The following SHISA9 variants were observed in gnomAD, a reference collection of about 807,000 sequenced individuals.
SHISA9 encodes the protein protein shisa-9.
A neutral mutation model predicts 38.0 loss-of-function variants in SHISA9; 13 were observed. The observed-to-expected ratio is 0.34, with a 90% CI of 0.22 to 0.54. SHISA9 has a LOEUF of 0.54. Among genes scored for constraint, SHISA9 ranks in the 20% least tolerant of loss-of-function variants. The pLI, the probability that SHISA9 is intolerant of heterozygous loss-of-function variation, is 0.91. For missense variants in SHISA9, 538 were observed against 575.8 expected (o/e 0.93, Z 0.67); for synonymous variants, 275 against 242.0 (o/e 1.14, Z -1.27).
intron 2 of SHISA9, among the ~76,000 whole-genome samples, chr16:13,179,659 G>T (rs917595455): frequency 3.9e-5 from 6 of 152,164 alleles, no homozygotes; most frequent in Non-Finnish European, 5.9e-5. Context: ...ATGACAGTGG[G>T]GCTGTGGGAA....
intron 2 of SHISA9, among the ~76,000 whole-genome samples, chr16:13,179,264 A>C (rs965849647): frequency 6.6e-6 from 1 of 152,180 alleles, no homozygotes; most frequent in African/African-American, 2.4e-5. Flanking sequence ...GTGAGCTGAG[A>C]TCACACCACT....
rs1567356886 is a variant in SHISA9 at position 12,970,362 on chromosome 16, TATATATACATATATATATAC to T, written c.691+53554_691+53573del. Among the ~76,000 whole-genome samples, 4 of 85,792 alleles carry T rather than the reference TATATATACATATATATATAC, an allele frequency of 4.7e-5. No individual in the cohort carries two copies. The East Asian group carries it at 7.6e-4, about 16-fold the overall frequency. The allele number at this position is 85,792 out of a possible 152,430, so 56.3% of individuals were successfully genotyped here. ...ATATATACATATATGTGTATATATA[TATATATACATATATATATAC>T]ATATATGTATATATATATATACATA... is the stretch of plus-strand genomic sequence containing the variant. On this transcript the variant is annotated intron_variant, in intron 2 of 4. Transcript: ENST00000558583.
the SHISA9 span, among the ~76,000 whole-genome samples, chr16:13,248,482 G>A: frequency 1.3e-5 from 2 of 152,184 alleles, no homozygotes; most frequent in African/African-American, 2.4e-5. Flanking sequence ...AGATAACCTT[G>A]GATTTGAGTC....
chr16:13,493,744 A>T, the SHISA9 span, among the ~76,000 whole-genome samples: 4 of 152,094 alleles, frequency 2.6e-5, no homozygotes, highest in Admixed American at 6.5e-5. Context: ...GGAGTGGTAG[A>T]AACAGTGTTC....
At chr16:13,033,672 G>T (rs2073018469) in intron 2 of SHISA9, among the ~76,000 whole-genome samples, 1 of 152,210 alleles carries the variant, frequency 6.6e-6, no homozygotes, top group Non-Finnish European at 1.5e-5. Flanking sequence ...GGAGCTCACT[G>T]TTATGTCCTT....
At chr16:13,421,753 A>G in the SHISA9 span, among the ~76,000 whole-genome samples, 1 of 152,256 alleles carries the variant, frequency 6.6e-6, no homozygotes, top group Admixed American at 6.5e-5. Flanking sequence ...ATCAACAAAT[A>G]TTAGTCCTCT....
At chr16:13,001,562 G>T (rs1366885039) in intron 2 of SHISA9, among the ~76,000 whole-genome samples, 1 of 152,192 alleles carries the variant, frequency 6.6e-6, no homozygotes, top group Non-Finnish European at 1.5e-5. Flanking sequence ...CTGGGGAACG[G>T]GGATGCAGAT....
chr16:13,349,578 C>T, the SHISA9 span, among the ~76,000 whole-genome samples: 2 of 152,162 alleles, frequency 1.3e-5, no homozygotes, highest in African/African-American at 4.8e-5. Context: ...GCAACAAGTG[C>T]CCTTTGAGTT....
chr16:12,941,131 C>T (rs1475856888), intron 2 of SHISA9, among the ~76,000 whole-genome samples: 1 of 152,096 alleles, frequency 6.6e-6, no homozygotes, highest in Admixed American at 6.6e-5. Context: ...GTGTGTGGAT[C>T]ACTTGAGGTC....
chr16:13,348,706 C>G, the SHISA9 span, among the ~76,000 whole-genome samples: 23 of 151,872 alleles, frequency 1.5e-4, no homozygotes, highest in Non-Finnish European at 8.8e-5. Context: ...GTGATCAGCT[C>G]TAGTCTAATC....
In SHISA9 at chr16:13,027,424, C is replaced by T. The variant is rs138961312; in HGVS notation, c.691+110609C>T. On this transcript the variant is annotated intron_variant, in intron 2 of 4. Transcript: ENST00000558583. ...TCCAATATACACTTAGCATGCAACC[C>T]AGCAATTTTACTCCTCTGTATCTAT... Among the ~76,000 whole-genome samples, 1,163 of 152,226 alleles carry T rather than the reference C, an allele frequency of 7.6e-3. 5 individuals carry two copies. Among genetic ancestry groups the T allele is most frequent in the South Asian group, 0.015 (70 of 4,814 alleles).
chr16:12,980,572 GT>G (rs35901561), intron 2 of SHISA9, among the ~76,000 whole-genome samples: 26,018 of 143,910 alleles, frequency 0.18, 2,460 homozygotes, highest in African/African-American at 0.24. Flanking sequence ...GTCTAAATAT[GT>G]TTTTTTTTTT....
intron 2 of SHISA9, among the ~76,000 whole-genome samples, chr16:13,111,584 G>A (rs1052440864): frequency 6.6e-6 from 1 of 152,090 alleles, no homozygotes; most frequent in East Asian, 1.9e-4. Context: ...ACATAGAAAG[G>A]CCAGAGTAAA....
rs182837260 is a variant in SHISA9, at chr16:13,169,350, A to T, written c.692-34044A>T. The stretch of plus-strand genomic sequence containing the variant: ...AGGAAGACAGATGCGTTCCCTTTTC[A>T]TGTTATTGGCTGGGTCAGAATGCCA... On this transcript the variant is annotated intron_variant, in intron 2 of 4. Coordinates refer to ENST00000558583, the MANE Select transcript of SHISA9 (RefSeq NM_001145204.3). Among the ~76,000 whole-genome samples the T allele has an allele frequency of 2.3e-3, 348 of 152,330 alleles. 2 individuals carry two copies. Among genetic ancestry groups the T allele is most frequent in the African/African-American group, 8.1e-3 (337 of 41,570 alleles).
intron 3 of SHISA9, among the ~76,000 whole-genome samples, chr16:13,209,896 C>T (rs770620862): frequency 6.6e-5 from 10 of 152,162 alleles, no homozygotes; most frequent in Non-Finnish European, 7.3e-5. Context: ...GTCAGGAGAT[C>T]GAGACCATCC....
intron 2 of SHISA9, among the ~76,000 whole-genome samples, chr16:13,002,758 C>A (rs1289246434): frequency 1.3e-5 from 2 of 151,952 alleles, no homozygotes; most frequent in Admixed American, 1.3e-4. Flanking sequence ...GTCTGGAACT[C>A]CCGACCTCAG....
the SHISA9 span, among the ~76,000 whole-genome samples, chr16:13,254,085 C>G: frequency 6.6e-6 from 1 of 152,118 alleles, no homozygotes; most frequent in Non-Finnish European, 1.5e-5. Flanking sequence ...GGCTGCCAAT[C>G]TTTTCTATCC....
At chr16:13,192,600 A>G (rs1337438116) in intron 2 of SHISA9, among the ~76,000 whole-genome samples, 3 of 152,122 alleles carry the variant, frequency 2.0e-5, no homozygotes, top group Admixed American at 6.5e-5. Flanking sequence ...TATTATCTGC[A>G]TAGAACAGTA....
chr16:12,989,258 A>T (rs972368814), intron 2 of SHISA9, among the ~76,000 whole-genome samples: 2 of 150,760 alleles, frequency 1.3e-5, no homozygotes, highest in Non-Finnish European at 3.0e-5. Flanking sequence ...GGGGTGCCTG[A>T]CCTCTGCCTG....
Sources: allele counts gnomAD v4.1 joint callset (sites outside exome capture counted in the v4.1 genomes callset), GRCh38; gene constraint gnomAD v4.1.1; transcripts MANE v1.5; gene names NCBI Gene and HGNC (gene_info 2026-07-23, HGNC 2026-07-21).